Variants in EVPL observed in about 807,000 individuals in gnomAD.
EVPL encodes 210 kDa cornified envelope precursor protein.
A neutral mutation model predicts 129.7 loss-of-function variants in EVPL; 94 were observed. That is an observed-to-expected ratio of 0.72 (90% CI 0.61 to 0.86). The LOEUF (loss-of-function observed/expected upper bound fraction) is 0.86. Ranked by LOEUF, EVPL falls within the 40% of genes least tolerant of loss-of-function variation. The pLI is 0.00. For missense variants in EVPL, 2,625 were observed against 2,721.1 expected, an observed-to-expected ratio of 0.96 and a Z score of 0.79; for synonymous variants, 1,172 against 1,191.1, an observed-to-expected ratio of 0.98 and a Z score of 0.33.
At position 76,021,801 on chromosome 17, in the gene EVPL, G is replaced by A; in HGVS notation, c.808-20C>T. 6.3e-7 allele frequency: 1 copy of A among 1,579,640 alleles called. No individual in the cohort carries two copies. Among genetic ancestry groups the A allele is most frequent in the Non-Finnish European group, 8.6e-7 (1 of 1,167,272 alleles). On this transcript the variant is annotated intron_variant, in intron 7 of 21. Coordinates refer to ENST00000301607, the MANE Select transcript of EVPL (RefSeq NM_001988.4). The stretch of plus-strand genomic sequence containing the variant: ...GAAGTGCTGGGGGCGAGTCGGGTGG[G>A]GAGCGGCGGTGAGGACCCGGATGGC...
intron 18 of EVPL, among the ~76,000 whole-genome samples, chr17:76,014,016 T>C (rs1423691548): frequency 1.3e-5 from 2 of 152,034 alleles, no homozygotes; most frequent in Non-Finnish European, 2.9e-5. Flanking sequence ...ACACTACCGA[T>C]CCTGACCCGC....
chr17:76,014,376 C>A, intron 18 of EVPL, 50 bp downstream of exon 18: 1 of 1,571,406 alleles, frequency 6.4e-7, no homozygotes, highest in Non-Finnish European at 8.6e-7. Context: ...TGAGCTTTGG[C>A]CACTAGGGGG....
rs1156899457 is a variant in EVPL at position 76,010,382 on chromosome 17, T to C, written c.2823A>G (p.Gln941=). The part of the protein sequence containing the change: ...VQHELEAQRS[Q]LLQLRTQRPL... The stretch of plus-strand genomic sequence containing the variant: ...GCCGCTGGGTCCTCAGCTGCAGCAG[T>C]TGGCTCCTCTGCGCCTCCAGCTCAT... Residue 941 remains glutamine, a synonymous_variant, in exon 22 of 22, where the codon CAA becomes CAG. Transcript: ENST00000301607. The C allele has an allele frequency of 1.2e-6, 2 of 1,613,856 alleles. No individual in the cohort carries two copies. Among genetic ancestry groups the C allele is most frequent in the Non-Finnish European group, 1.7e-6 (2 of 1,180,014 alleles).
At chr17:76,014,322 C>T (rs1374632012) in intron 18 of EVPL, 104 bp downstream of exon 18, 15 of 1,444,446 alleles carry the variant, frequency 1.0e-5, no homozygotes, top group South Asian at 5.6e-5. Context: ...GGAAGGGGCC[C>T]AGGGCCTCCG....
In EVPL at chr17:76,010,061, G is replaced by A. The variant is rs1181364609; in HGVS notation, c.3144C>T (p.Val1048=). Residue 1048 remains valine (V), a synonymous_variant, in exon 22 of 22, where the codon GTC becomes GTT. Coordinates refer to ENST00000301607, the MANE Select transcript of EVPL (RefSeq NM_001988.4). ...TCAGCCCTTCCAGCCGGGCCGAGAT[G>A]ACGGCATCCTCCCCGCGGAGCTGCT... ...QIQQLRGEDA[V]ISARLEGLKK... The A allele has an allele frequency of 6.2e-7, 1 of 1,613,146 alleles. No individual in the cohort carries two copies. The highest frequency in any genetic ancestry group is 8.5e-7 in the Non-Finnish European group (1 of 1,180,036).
In EVPL at chr17:76,009,043, G is replaced by A. The variant is rs202177301; in HGVS notation, c.4162C>T (p.His1388Tyr). 212 of 1,613,364 alleles carry A rather than the reference G, an allele frequency of 1.3e-4. No individual in the cohort carries two copies. Among genetic ancestry groups the A allele is most frequent in the Non-Finnish European group, 1.7e-6 (2 of 1,179,872 alleles). The change falls in exon 22 of 22, where the codon CAC becomes TAC. Residue 1388 changes from histidine to tyrosine, a missense_variant. Physicochemically the swap from His to Tyr is moderately conservative, Grantham distance 83 (BLOSUM62 2). Around this residue, in one of 4 missense-constraint regions of EVPL, gnomAD observed 1,453 missense variants for 1,511.8 expected, o/e 0.96. Transcript: ENST00000301607. This position sits in a 1 kb window ranked among gnomAD's most constrained non-coding sequence, Gnocchi z 5.9. ...TQKDPKLREE[H>Y]SRLSGSLDEE... The stretch of plus-strand genomic sequence containing the variant: ...TCCAGGCTCCCGCTCAGCCGGCTGT[G>A]CTCCTCGCGCAGCTTCGGGTCCTTC...
rs116702053 is a variant in EVPL, at chr17:76,018,523, G to C, written c.1362C>G (p.Gly454=). ...DPHAWVVQGP[G]GETKRAPAAC... ...CGGCGGGAGCACGCTTGGTCTCCCC[G>C]CCAGGGCCCTGCACGACCCAGGCGT... Residue 454 remains glycine, a synonymous_variant, in exon 12 of 22, where the codon GGC becomes GGG. Transcript: ENST00000301607. The C allele has an allele frequency of 1.2e-6, 2 of 1,612,554 alleles. No homozygotes were observed. Among genetic ancestry groups the C allele is most frequent in the Non-Finnish European group, 1.7e-6 (2 of 1,179,854 alleles).
chr17:76,015,411 T>TGCTGCCCTGCGTG (rs1212085432), intron 15 of EVPL, 39 bp downstream of exon 15: 5 of 1,605,236 alleles, frequency 3.1e-6, no homozygotes, highest in Non-Finnish European at 4.3e-6. Context: ...GGCCACACGC[T>TGCTGCCCTGCGTG]GCTGCCCTGC....
In EVPL at chr17:76,009,748, A is replaced by T. The variant is rs1395979207; in HGVS notation, c.3457T>A (p.Ser1153Thr). 8.7e-6 allele frequency: 14 copies of T among 1,613,458 alleles called. No individual in the cohort carries two copies. The highest frequency in any genetic ancestry group is 1.2e-5 in the Non-Finnish European group (14 of 1,179,984). The stretch of plus-strand genomic sequence containing the variant: ...TCCTCGAGGAGGCTCCTCAGCCTGG[A>T]GGACTCCTGGAGGAGCCCTGGGTCC... ...EQDPGLLQES[S>T]RLRSLLEEER... The change falls in exon 22 of 22, where the codon TCC becomes ACC. Residue 1153 changes from serine to threonine, a missense_variant. Physicochemically the swap from Ser to Thr is moderately conservative, Grantham distance 58. Coordinates refer to ENST00000301607, the MANE Select transcript of EVPL (RefSeq NM_001988.4). This position sits in a 1 kb window ranked among gnomAD's most constrained non-coding sequence, Gnocchi z 5.9.
rs1489846503 is a variant in EVPL, at chr17:76,011,864, C to T, written c.2476G>A (p.Asp826Asn). 6.2e-7 allele frequency: 1 copy of T among 1,613,474 alleles called. No homozygotes were observed. Among genetic ancestry groups the T allele is most frequent in the Admixed American group, 1.7e-5 (1 of 59,892 alleles). The stretch of plus-strand genomic sequence containing the variant: ...GGCTCCAAAGAGCAGCGGTAGGTGT[C>T]TGCCTGGAGCTCATAGTCCTGAGCA... ...AALQDYELQA[D>N]TYRCSLEPTL... is the part of the protein sequence containing the mutation. The change falls in exon 20 of 22, where the codon GAC becomes AAC. Residue 826 changes from aspartate (D) to asparagine (N), a missense_variant. Physicochemically the swap from Asp to Asn is conservative, Grantham distance 23. Coordinates refer to ENST00000301607, the MANE Select transcript of EVPL (RefSeq NM_001988.4).
rs767048044 is a variant in EVPL, at chr17:76,014,467, C to A, written c.2332G>T (p.Asp778Tyr). The change falls in exon 18 of 22, where the codon GAC (aspartate) becomes TAC (tyrosine). Residue 778 changes from aspartate to tyrosine, a missense_variant. Asp to Tyr is a radical substitution (Grantham distance 160). This residue lies in a region of EVPL where 1,024 missense variants were observed against 997.5 expected (regional missense o/e 1.03). Coordinates refer to ENST00000301607, the MANE Select transcript of EVPL (RefSeq NM_001988.4). ...HLPRSQVRPSDGPSQIAYKLQ... is the reference protein window; with the variant it reads ...HLPRSQVRPSYGPSQIAYKLQ... ...TTGTAGGCGATCTGGCTGGGGCCGT[C>A]GCTGGGCCGCACCTGGCTGCGGGGC... 5.6e-6 allele frequency: 9 copies of A among 1,611,828 alleles called. No homozygotes were observed. The East Asian group carries it at 1.6e-4, about 28-fold the overall frequency.
intron 2 of EVPL, 76 bp from the exon 3 acceptor site, chr17:76,023,730 G>T: frequency 6.9e-7 from 1 of 1,457,380 alleles, no homozygotes; most frequent in Non-Finnish European, 9.0e-7. Context: ...GTGGGCCTGA[G>T]CCCCAACTTT....
intron 3 of EVPL, 28 bp from the exon 4 acceptor site, chr17:76,023,446 G>A (rs1316122156): frequency 6.2e-7 from 1 of 1,613,000 alleles, no homozygotes; most frequent in Non-Finnish European, 8.5e-7. Context: ...GGCAGGTCAG[G>A]GCTGGACCTG....
chr17:76,007,093 T>C lies in EVPL; in HGVS notation c.*10A>G, dbSNP rs2066321428. ...ACACACGCACTTCCCCACTGGCTCC[T>C]TGGCCCGTGTCAGCGAAGGGAGCGC... On this transcript the variant is annotated 3_prime_UTR_variant, in exon 22 of 22. Transcript: ENST00000301607. This position sits in a 1 kb window ranked among gnomAD's most constrained non-coding sequence, Gnocchi z 8.8. 6.9e-7 allele frequency: 1 copy of C among 1,453,954 alleles called. No homozygotes were observed. The highest frequency in any genetic ancestry group is 9.1e-7 in the Non-Finnish European group (1 of 1,102,994). The allele number at this position is 1,453,954 out of a possible 1,614,324, so 90.1% of individuals were successfully genotyped here.
In EVPL at chr17:76,023,289, G is replaced by A. The variant is rs1367839318; in HGVS notation, c.480+3C>T. On this transcript the variant is annotated splice_donor_region_variant and intron_variant, in intron 4 of 21. Transcript: ENST00000301607. Reference sequence around the variant, plus strand: ...CACTGGGGTGTGACTTTGAGTTCCTGACCTGTTTCTGCTCCAGCACGCGTG... The same window carrying A: ...CACTGGGGTGTGACTTTGAGTTCCTAACCTGTTTCTGCTCCAGCACGCGTG... 3 of 1,613,830 alleles carry A rather than the reference G, an allele frequency of 1.9e-6. No individual in the cohort carries two copies. Among genetic ancestry groups the A allele is most frequent in the African/African-American group, 1.3e-5 (1 of 75,024 alleles).
In EVPL at chr17:76,007,210, GGCCCATGGCCTCCTTGTAGCTCA is replaced by G. The variant is rs1339906319; in HGVS notation, c.5972_5994del (p.Leu1991ProfsTer52). ...CCGCTCAGGGGGTCTTTGCGGCAGCGGCCCATGGCCTCCTTGTAGCTCAGCCGTTCCTTGGAGATGGGGTCTGT... is the reference window on the plus strand; with the variant it reads ...CCGCTCAGGGGGTCTTTGCGGCAGCGGCCGTTCCTTGGAGATGGGGTCTGT... On this transcript the variant is annotated frameshift_variant, in exon 22 of 22. Coordinates refer to ENST00000301607, the MANE Select transcript of EVPL (RefSeq NM_001988.4). LOFTEE classifies it low-confidence loss of function (END_TRUNC). This position sits in a 1 kb window ranked among gnomAD's most constrained non-coding sequence, Gnocchi z 8.8. 5.8e-6 allele frequency: 9 copies of G among 1,548,588 alleles called. No homozygotes were observed. The highest frequency in any genetic ancestry group is 7.9e-6 in the Non-Finnish European group (9 of 1,144,958).
chr17:76,020,011 C>T (rs1214485215), intron 9 of EVPL, among the ~76,000 whole-genome samples: 1 of 151,674 alleles, frequency 6.6e-6, no homozygotes, highest in Non-Finnish European at 1.5e-5. Flanking sequence ...CCAGATAAAC[C>T]TAAACCAGCT....
rs1403992492 is a variant in EVPL, at chr17:76,022,481, C to T, written c.538G>A (p.Ala180Thr). ...PGMAELEQQI[A>T]EHNILQKEID... is the part of the protein sequence containing the mutation. The stretch of plus-strand genomic sequence containing the variant: ...TCCTTCTGCAGGATGTTGTGCTCGG[C>T]GATCTGTTGCTCCAGCTCCGCCATG... Residue 180 changes from alanine to threonine, a missense_variant, in exon 5 of 22, where the codon GCC (alanine) becomes ACC (threonine). Physicochemically the swap from Ala to Thr is moderately conservative, Grantham distance 58 (BLOSUM62 0). Around this residue, in one of 4 missense-constraint regions of EVPL, gnomAD observed 1,024 missense variants for 997.5 expected, o/e 1.03. Coordinates refer to ENST00000301607, the MANE Select transcript of EVPL (RefSeq NM_001988.4). This position sits in a 1 kb window ranked among gnomAD's most constrained non-coding sequence, Gnocchi z 5.6. The T allele has an allele frequency of 1.2e-6, 2 of 1,613,094 alleles. No individual in the cohort carries two copies. Among genetic ancestry groups the T allele is most frequent in the African/African-American group, 1.3e-5 (1 of 74,928 alleles).
At chr17:76,020,224 C>T (rs2066448373) in intron 9 of EVPL, among the ~76,000 whole-genome samples, 1 of 152,282 alleles carries the variant, frequency 6.6e-6, no homozygotes, top group Non-Finnish European at 1.5e-5. Flanking sequence ...TCACTCTCCC[C>T]TACTCTGGTC....
Sources: gnomAD v4.1 joint callset for allele counts (sites outside exome capture counted in the v4.1 genomes callset) on GRCh38, gnomAD v4.1.1 for gene constraint, gnomAD v4.1.1 regional missense constraint, Gnocchi (gnomAD v3.1) non-coding constraint, MANE v1.5 for transcripts, NCBI Gene and HGNC (gene_info 2026-07-23, HGNC 2026-07-21) for gene names.